The following INTS6 variants were observed in gnomAD, a reference collection of about 807,000 sequenced individuals.
INTS6 encodes DEAD box protein.
In INTS6, 16 loss-of-function variants were observed where a neutral mutation model predicts 104.9. That is an observed-to-expected ratio of 0.15 (90% CI 0.10 to 0.23). INTS6 has a LOEUF of 0.23. INTS6 is among the 10% of genes least tolerant of loss of function. The probability of loss-of-function intolerance (pLI) is 1.00; values close to 1 mark genes in which losing one functional copy is unlikely to be tolerated. For missense variants in INTS6, 584 were observed against 1,062.8 expected (o/e 0.55, Z 6.26); for synonymous variants, 324 against 358.7 (o/e 0.90, Z 1.09).
the INTS6 span, among the ~76,000 whole-genome samples, chr13:51,345,139 C>A: frequency 6.6e-6 from 1 of 151,960 alleles, no homozygotes. Context: ...CTCAGTTCAC[C>A]CTCACAATAA....
Position 51,362,686 on chromosome 13 carries a change from CTTTTA to C in INTS6, c.*3061_*3065del, listed in dbSNP as rs1955605896. On this transcript the variant is annotated 3_prime_UTR_variant, in exon 18 of 18. Coordinates refer to ENST00000311234, the MANE Select transcript of INTS6 (RefSeq NM_012141.3). ...TACTTTAACTAAACATCAGGCATTA[CTTTTA>C]TTTATGGAGAAAAATGTCAAAAGTT... 1 of 152,244 alleles carries C rather than the reference CTTTTA, an allele frequency of 6.6e-6. No individual in the cohort carries two copies. Among genetic ancestry groups the C allele is most frequent in the Admixed American group, 6.6e-5 (1 of 15,198 alleles). 9.4% of individuals were successfully genotyped at this position (152,244 alleles called of 1,614,324 possible).
At chr13:51,441,472 A>T (rs931727855) in intron 3 of INTS6, 3 of 152,194 alleles carry the variant, frequency 2.0e-5, no homozygotes, top group African/African-American at 7.2e-5. Flanking sequence ...ATGGAAATTC[A>T]TAAGTGGATC....
chr13:51,389,169 C>T, intron 6 of INTS6, 150 bp downstream of exon 6: 1 of 684,774 alleles, frequency 1.5e-6, no homozygotes, highest in East Asian at 2.9e-5. Flanking sequence ...CCTTGACTTT[C>T]CTATTTAATC....
At chr13:51,395,232 G>C (rs1956314312) in intron 5 of INTS6, 68 bp downstream of exon 5, 5 of 1,422,956 alleles carry the variant, frequency 3.5e-6, no homozygotes, top group Non-Finnish European at 3.8e-6. Context: ...GCTTTTGAAT[G>C]TACACTTTTA....
the INTS6 span, among the ~76,000 whole-genome samples, chr13:51,337,973 A>C: frequency 3.3e-5 from 5 of 152,342 alleles, no homozygotes; most frequent in East Asian, 7.7e-4. Context: ...AATCACTTGC[A>C]GTTCATCTTT....
chr13:51,383,624 T>TA lies in INTS6; in HGVS notation c.1011dup (p.Ile338TyrfsTer18). ...GTTTGAGGAGATTTCCTTTCCAGGA[T>TA]AAATTGAGTCAGTGGTGAAGGTTCC... On this transcript the variant is annotated frameshift_variant, in exon 8 of 18. Coordinates refer to ENST00000311234, the MANE Select transcript of INTS6 (RefSeq NM_012141.3). LOFTEE classifies it high-confidence loss of function. 1 of 1,614,052 alleles carries TA rather than the reference T, an allele frequency of 6.2e-7. No individual in the cohort carries two copies.
chr13:51,362,157 A>G lies in INTS6; in HGVS notation c.*3595T>C. 1 of 958,376 alleles carries G rather than the reference A, an allele frequency of 1.0e-6. No homozygotes were observed. The highest frequency in any genetic ancestry group is 1.4e-6 in the Non-Finnish European group (1 of 695,578). The allele number at this position is 958,376 out of a possible 1,614,324, so 59.4% of individuals were successfully genotyped here. ...TGTAGATTTTTTTTTTTAATGCTAT[A>G]GGTTTCTACTTCTGAAGACACTTGG... On this transcript the variant is annotated 3_prime_UTR_variant, in exon 18 of 18. Transcript: ENST00000311234.
downstream of INTS6, among the ~76,000 whole-genome samples, chr13:51,359,238 G>A (rs746307346): frequency 2.0e-5 from 3 of 151,950 alleles, no homozygotes; most frequent in Non-Finnish European, 2.9e-5. Flanking sequence ...CATTAGTTCT[G>A]TAATATTTCA....
chr13:51,439,028 T>C (rs1952744960), intron 3 of INTS6: 1 of 152,248 alleles, frequency 6.6e-6, no homozygotes, highest in Admixed American at 6.5e-5. Flanking sequence ...AAGACTGTTG[T>C]TGTTTCCTAG....
Position 51,369,312 on chromosome 13 carries a change from T to C in INTS6, c.2105-2A>G. On this transcript the variant is annotated splice_acceptor_variant, in intron 15 of 17. Coordinates refer to ENST00000311234, the MANE Select transcript of INTS6 (RefSeq NM_012141.3). LOFTEE classifies it high-confidence loss of function. ...TCGAATCATTAGTGGTTTCTGAAAC[T>C]AAAAACAAAGATACGGGGAAAAAAT... The C allele has an allele frequency of 1.3e-6, 2 of 1,594,058 alleles. No individual in the cohort carries two copies. Among genetic ancestry groups the C allele is most frequent in the Non-Finnish European group, 1.7e-6 (2 of 1,168,042 alleles).
chr13:51,434,335 A>C (rs1957147836), intron 3 of INTS6, among the ~76,000 whole-genome samples: 1 of 152,174 alleles, frequency 6.6e-6, no homozygotes, highest in Non-Finnish European at 1.5e-5. Flanking sequence ...ATATAACTTC[A>C]ACTTTCAGAG....
chr13:51,443,321 T>C (rs1952831483), intron 3 of INTS6: 1 of 152,176 alleles, frequency 6.6e-6, no homozygotes, highest in Non-Finnish European at 1.5e-5. Flanking sequence ...GAAAGTTTAA[T>C]GAAAACTTGT....
chr13:51,369,343 G>A, intron 15 of INTS6, 33 bp from the exon 16 acceptor site: 2 of 1,566,002 alleles, frequency 1.3e-6, no homozygotes, highest in Non-Finnish European at 1.7e-6. Context: ...AAAATTATGG[G>A]ATCCAGTCTC....
intron 4 of INTS6, chr13:51,421,186 C>G (rs189561732): frequency 2.0e-6 from 2 of 985,654 alleles, no homozygotes. Flanking sequence ...TTAGACAAGG[C>G]TTTTCCCCAC....
intron 12 of INTS6, among the ~76,000 whole-genome samples, chr13:51,377,975 A>G (rs1407552630): frequency 6.6e-6 from 1 of 152,128 alleles, no homozygotes; most frequent in Non-Finnish European, 1.5e-5. Flanking sequence ...CCACTACTGC[A>G]ACTTAAAGCA....
intron 3 of INTS6, among the ~76,000 whole-genome samples, chr13:51,435,540 CAG>C (rs1957171319): frequency 1.3e-5 from 2 of 152,018 alleles, no homozygotes; most frequent in South Asian, 4.1e-4. Context: ...TTAATGTAAA[CAG>C]ATATTATCTA....
intron 4 of INTS6, among the ~76,000 whole-genome samples, chr13:51,401,500 C>G (rs890889364): frequency 6.6e-6 from 1 of 152,066 alleles, no homozygotes; most frequent in Non-Finnish European, 1.5e-5. Context: ...GAGCTGTTTT[C>G]TGAGAGTTAA....
chr13:51,420,445 A>C (rs1272046297), intron 4 of INTS6, among the ~76,000 whole-genome samples: 1 of 152,100 alleles, frequency 6.6e-6, no homozygotes, highest in Non-Finnish European at 1.5e-5. Flanking sequence ...GAGTGCTTCA[A>C]ATCACAGAGA....
chr13:51,348,340 C>T, the INTS6 span: 3 of 1,613,956 alleles, frequency 1.9e-6, no homozygotes, highest in Non-Finnish European at 2.5e-6. Flanking sequence ...TCGAGCCACA[C>T]CTCACAGCCA....
Sources: allele counts gnomAD v4.1 joint callset (sites outside exome capture counted in the v4.1 genomes callset), GRCh38; gene constraint gnomAD v4.1.1; transcripts MANE v1.5; gene names NCBI Gene and HGNC (gene_info 2026-07-23, HGNC 2026-07-21).